Variants in MAP3K13 observed in about 807,000 individuals in gnomAD.
MAP3K13 encodes mitogen-activated protein kinase kinase kinase 13.
A neutral mutation model predicts 104.0 loss-of-function variants in MAP3K13; 52 were observed. The ratio of observed to expected loss-of-function variants is 0.50; its 90% CI spans 0.40 to 0.63. MAP3K13 has a LOEUF of 0.63. Among genes scored for constraint, MAP3K13 ranks in the 20% least tolerant of loss-of-function variants. The pLI is 0.00. For synonymous variants in MAP3K13, 394 were observed against 442.2 expected, an observed-to-expected ratio of 0.89 and a Z score of 1.37; for missense variants, 914 against 1,218.5, an observed-to-expected ratio of 0.75 and a Z score of 3.72.
At chr3:185,425,005 T>C (rs117194935) in intron 1 of MAP3K13, among the ~76,000 whole-genome samples, 1 of 152,294 alleles carries the variant, frequency 6.6e-6, no homozygotes, top group East Asian at 1.9e-4. Flanking sequence ...ATTTTTGTAT[T>C]TTCTGTAATT....
At chr3:185,291,559 A>G in intron 2 of MAP3K13, 1 of 1,466,580 alleles carries the variant, frequency 6.8e-7, no homozygotes, top group Middle Eastern at 1.8e-4. Flanking sequence ...ATTTCCCTTA[A>G]AAAAATTATT....
At chr3:185,474,940 C>T (rs545679243) in intron 11 of MAP3K13, among the ~76,000 whole-genome samples, 143 of 151,956 alleles carry the variant, frequency 9.4e-4, no homozygotes, top group African/African-American at 3.3e-3. Flanking sequence ...ACCAAAAATA[C>T]AAAAATTAGC....
chr3:185,352,172 C>T (rs1230098620), intron 2 of MAP3K13, among the ~76,000 whole-genome samples: 2 of 152,134 alleles, frequency 1.3e-5, no homozygotes, highest in African/African-American at 2.4e-5. Flanking sequence ...GGGCCGGGCG[C>T]GGTGGCTCAC....
rs983738191 is a variant in MAP3K13, at chr3:185,485,734, AC to A, written c.*3279del. ...TAGATATGTAAGTATAGAAAAAAAA[AC>A]ATAGTATATATAGGGTTTGGTACTA... On this transcript the variant is annotated 3_prime_UTR_variant, in exon 14 of 14. Coordinates refer to ENST00000265026, the MANE Select transcript of MAP3K13 (RefSeq NM_004721.5). 3 of 152,284 alleles carry A rather than the reference AC, an allele frequency of 2.0e-5. No individual in the cohort carries two copies. Among genetic ancestry groups the A allele is most frequent in the East Asian group, 1.9e-4 (1 of 5,190 alleles). 9.4% of individuals were successfully genotyped at this position (152,284 alleles called of 1,614,324 possible). A position where few individuals can be genotyped will look rare whatever the true frequency, so the allele number is the denominator to read the frequency against.
Position 185,453,895 on chromosome 3 carries a change from T to C in MAP3K13, c.1278+2500T>C, listed in dbSNP as rs1271977186. On this transcript the variant is annotated intron_variant, in intron 7 of 13. Transcript: ENST00000265026. The stretch of plus-strand genomic sequence containing the variant: ...ACATATATATGAGATATATATGTGA[T>C]ACATATATATGAGATATATATGTGA... 3.9e-5 allele frequency among the ~76,000 whole-genome samples: 3 copies of C among 77,578 alleles called. 1 individual carries two copies. Among genetic ancestry groups the C allele is most frequent in the East Asian group, 3.4e-4 (1 of 2,926 alleles). The allele number at this position is 77,578 out of a possible 152,430, so 50.9% of individuals were successfully genotyped here. A position where few individuals can be genotyped will look rare whatever the true frequency, so the allele number is the denominator to read the frequency against.
chr3:185,388,319 A>T (rs1711816750), intron 1 of MAP3K13, among the ~76,000 whole-genome samples: 1 of 151,954 alleles, frequency 6.6e-6, no homozygotes, highest in Admixed American at 6.6e-5. Flanking sequence ...CTGGGAAACG[A>T]GGCAAAATTT....
intron 2 of MAP3K13, among the ~76,000 whole-genome samples, chr3:185,334,138 C>G (rs1476008699): frequency 1.3e-5 from 2 of 152,110 alleles, no homozygotes; most frequent in Non-Finnish European, 2.9e-5. Context: ...ATACTCAAGA[C>G]TGTAAAACAT....
chr3:185,396,365 G>A (rs950534195), intron 1 of MAP3K13, among the ~76,000 whole-genome samples: 1 of 148,774 alleles, frequency 6.7e-6, no homozygotes, highest in African/African-American at 2.5e-5. Context: ...GGAAGACTCT[G>A]TCTCAAAAAT....
At chr3:185,458,356 A>C (rs1301261106) in intron 7 of MAP3K13, among the ~76,000 whole-genome samples, 2 of 113,048 alleles carry the variant, frequency 1.8e-5, no homozygotes, top group East Asian at 5.3e-4. Flanking sequence ...CAATAGAGCG[A>C]GACCCCATCT....
At chr3:185,309,777 T>G (rs1721432913) in intron 2 of MAP3K13, among the ~76,000 whole-genome samples, 1 of 152,214 alleles carries the variant, frequency 6.6e-6, no homozygotes. Flanking sequence ...CAGTAGCTGC[T>G]ACTATTTTGT....
intron 4 of MAP3K13, among the ~76,000 whole-genome samples, chr3:185,444,447 T>C (rs1358004536): frequency 6.6e-6 from 1 of 152,188 alleles, no homozygotes; most frequent in African/African-American, 2.4e-5. Flanking sequence ...GCCGTAAGAT[T>C]CTGTAGACGT....
At chr3:185,369,417 A>G (rs1026210208) in intron 1 of MAP3K13, among the ~76,000 whole-genome samples, 7 of 152,238 alleles carry the variant, frequency 4.6e-5, no homozygotes, top group African/African-American at 1.4e-4. Context: ...ACTTTATTGT[A>G]TAAGTGCCAT....
At chr3:185,382,880 C>G (rs1219720429) in intron 1 of MAP3K13, among the ~76,000 whole-genome samples, 3 of 151,552 alleles carry the variant, frequency 2.0e-5, no homozygotes, top group Admixed American at 2.0e-4. Context: ...TATTATTATA[C>G]TTTAAGTTTT....
intron 7 of MAP3K13, among the ~76,000 whole-genome samples, chr3:185,459,151 C>G (rs954170201): frequency 6.6e-6 from 1 of 152,094 alleles, no homozygotes; most frequent in South Asian, 2.1e-4. Flanking sequence ...CGGAGACACC[C>G]CAACTGTGAG....
chr3:185,444,081 T>A (rs906943724), intron 4 of MAP3K13, among the ~76,000 whole-genome samples: 11 of 152,174 alleles, frequency 7.2e-5, no homozygotes, highest in Admixed American at 3.3e-4. Flanking sequence ...ACGCCTGTAA[T>A]CCTAGAACTT....
intron 2 of MAP3K13, chr3:185,293,047 A>G: frequency 1.0e-6 from 1 of 985,046 alleles, no homozygotes; most frequent in Non-Finnish European, 1.2e-6. Flanking sequence ...GTACTTGGTC[A>G]TTAAATAAAA....
At chr3:185,318,133 T>A (rs889147206) in intron 2 of MAP3K13, among the ~76,000 whole-genome samples, 2 of 152,196 alleles carry the variant, frequency 1.3e-5, no homozygotes, top group Non-Finnish European at 2.9e-5. Flanking sequence ...AGAAGTTAAG[T>A]TTATACCTTT....
At chr3:185,365,154 G>C (rs1723811029) in intron 1 of MAP3K13, among the ~76,000 whole-genome samples, 1 of 152,142 alleles carries the variant, frequency 6.6e-6, no homozygotes, top group Non-Finnish European at 1.5e-5. Context: ...TTAAGGCACA[G>C]AGCAGATATA....
chr3:185,302,193 A>G (rs1181514805), intron 2 of MAP3K13, among the ~76,000 whole-genome samples: 5 of 151,976 alleles, frequency 3.3e-5, no homozygotes, highest in African/African-American at 1.2e-4. Context: ...ACTTGAGGTC[A>G]GGAGTTCGAG....
Sources: allele counts gnomAD v4.1 joint callset (sites outside exome capture counted in the v4.1 genomes callset), GRCh38; gene constraint gnomAD v4.1.1; transcripts MANE v1.5; gene names NCBI Gene and HGNC (gene_info 2026-07-23, HGNC 2026-07-21).